The following CARS2 variants were observed in gnomAD, a reference collection of about 807,000 sequenced individuals.
CARS2 encodes the protein cysteinyl-tRNA synthetase 2, mitochondrial, also known as probable cysteine--tRNA ligase, mitochondrial.
Under a neutral mutation model 68.8 loss-of-function variants are expected in CARS2, and 52 were observed. That is an observed-to-expected ratio of 0.76 (90% confidence interval 0.61 to 0.95). CARS2 has a LOEUF of 0.95. Ranked by LOEUF, CARS2 falls within the 40% of genes least tolerant of loss-of-function variation. The pLI is 0.00. For missense variants in CARS2, 780 were observed against 754.2 expected, an observed-to-expected ratio of 1.03 and a Z score of -0.40; for synonymous variants, 314 against 303.6, an observed-to-expected ratio of 1.03 and a Z score of -0.36.
intron 6 of CARS2, among the ~76,000 whole-genome samples, chr13:110,679,137 G>T (rs947382251): frequency 7.0e-6 from 1 of 142,774 alleles, no homozygotes; most frequent in Admixed American, 7.0e-5. Flanking sequence ...CTCAGTCTAT[G>T]GGAGAGGCCA....
chr13:110,712,674 C>G (rs937443849), intron 1 of CARS2: 2 of 653,028 alleles, frequency 3.1e-6, no homozygotes, highest in Non-Finnish European at 5.7e-6. Flanking sequence ...TGAATGGCCT[C>G]AGGACGCCGG....
intron 3 of CARS2, 27 bp from the exon 4 acceptor site, chr13:110,688,045 AAT>A (rs747459279): frequency 5.8e-6 from 9 of 1,541,580 alleles, no homozygotes; most frequent in Non-Finnish European, 7.2e-6. Flanking sequence ...TGTGCACGTT[AAT>A]GAGTCTGGGG....
At chr13:110,684,387 G>C (rs1181603116) in intron 5 of CARS2, among the ~76,000 whole-genome samples, 2 of 151,954 alleles carry the variant, frequency 1.3e-5, no homozygotes, top group South Asian at 2.1e-4. Context: ...GCAAACACAA[G>C]CTGCACCCAG....
chr13:110,705,916 C>G lies in CARS2; in HGVS notation c.178G>C (p.Gly60Arg), dbSNP rs199874662. The change falls in exon 1 of 15, where the codon GGG (glycine) becomes CGG (arginine). Residue 60 changes from glycine to arginine, a missense_variant. By Grantham distance (125) the Gly-to-Arg change is moderately radical. Transcript: ENST00000257347. This position sits in a 1 kb window ranked among gnomAD's most constrained non-coding sequence, Gnocchi z 4.0. ...GCCACGATTAGGGGTTCCTTCCTCC[C>G]GGTGAGGCTGTTGTACACCTGCACA... ...TGVQVYNSLT[G>R]RKEPLIVAHA... 1.0e-4 allele frequency: 165 copies of G among 1,575,650 alleles called. No individual in the cohort carries two copies. The East Asian group carries it at 3.9e-3, about 37-fold the overall frequency.
chr13:110,684,192 T>A (rs2063232901), intron 5 of CARS2, among the ~76,000 whole-genome samples: 1 of 152,190 alleles, frequency 6.6e-6, no homozygotes, highest in Non-Finnish European at 1.5e-5. Context: ...GCAGCCACCA[T>A]CCAGCACCCT....
chr13:110,673,001 C>T (rs1398144961), intron 7 of CARS2, among the ~76,000 whole-genome samples: 18 of 143,276 alleles, frequency 1.3e-4, no homozygotes, highest in East Asian at 4.3e-4. Context: ...ATACACCCTC[C>T]CAAGACTAAA....
chr13:110,642,567 G>A, intron 13 of CARS2, 46 bp from the exon 14 acceptor site: 1 of 1,461,624 alleles, frequency 6.8e-7, no homozygotes, highest in Non-Finnish European at 9.1e-7. Flanking sequence ...ACTGTGGATT[G>A]TGGATGCCCC....
chr13:110,692,124 A>G (rs923830078), intron 3 of CARS2, among the ~76,000 whole-genome samples: 1 of 140,220 alleles, frequency 7.1e-6, no homozygotes, highest in Non-Finnish European at 1.5e-5. Flanking sequence ...ACACACACAT[A>G]TATATACATA....
At chr13:110,674,416 A>G (rs565078460) in intron 7 of CARS2, among the ~76,000 whole-genome samples, 6 of 131,202 alleles carry the variant, frequency 4.6e-5, no homozygotes, top group African/African-American at 1.5e-4. Context: ...AATACCACAC[A>G]TCTACAACCA....
At chr13:110,683,426 A>G (rs769871278) in intron 5 of CARS2, among the ~76,000 whole-genome samples, 2 of 152,234 alleles carry the variant, frequency 1.3e-5, no homozygotes, top group Non-Finnish European at 2.9e-5. Context: ...CTGGCTTAAT[A>G]TATTTGTTAA....
rs1028713796 is a variant in CARS2, at chr13:110,676,723, T to C, written c.785+251A>G. Among the ~76,000 whole-genome samples, 14 of 152,092 alleles carry C rather than the reference T, an allele frequency of 9.2e-5. No homozygotes were observed. Among genetic ancestry groups the C allele is most frequent in the Non-Finnish European group, 2.9e-5 (2 of 67,984 alleles). ...GAGAAGGGTGAGGGAACAGGGCAGCTGCAAGTGTGAACCAAAAAGCAGCCT... is the reference window on the plus strand; with the variant it reads ...GAGAAGGGTGAGGGAACAGGGCAGCCGCAAGTGTGAACCAAAAAGCAGCCT... On this transcript the variant is annotated intron_variant, in intron 7 of 14. Coordinates refer to ENST00000257347, the MANE Select transcript of CARS2 (RefSeq NM_024537.4). The surrounding 1 kb of genome is among the most constrained non-coding windows in gnomAD (Gnocchi z 4.0).
chr13:110,662,602 C>G (rs374638682), intron 9 of CARS2, among the ~76,000 whole-genome samples: 1 of 152,172 alleles, frequency 6.6e-6, no homozygotes, highest in East Asian at 1.9e-4. Flanking sequence ...GCTGGGTAGG[C>G]GAAAAAGATC....
intron 8 of CARS2, chr13:110,664,227 C>T: frequency 2.0e-6 from 2 of 984,584 alleles, no homozygotes; most frequent in South Asian, 4.7e-5. Flanking sequence ...GTCCTCCAGG[C>T]CGGACGCAGT....
At chr13:110,677,142 A>G (rs1157930547) in intron 6 of CARS2, 39 bp from the exon 7 acceptor site, 1 of 1,565,410 alleles carries the variant, frequency 6.4e-7, no homozygotes, top group Admixed American at 1.7e-5. Flanking sequence ...GAAGAAGCTC[A>G]GTCACCCCAC....
In CARS2 at chr13:110,667,339, C is replaced by A; in HGVS notation, c.919+1G>T. The A allele has an allele frequency of 1.9e-6, 3 of 1,609,264 alleles. No homozygotes were observed. Among genetic ancestry groups the A allele is most frequent in the Non-Finnish European group, 2.5e-6 (3 of 1,177,878 alleles). On this transcript the variant is annotated splice_donor_variant, in intron 8 of 14. Coordinates refer to ENST00000257347, the MANE Select transcript of CARS2 (RefSeq NM_024537.4). LOFTEE classifies it high-confidence loss of function. ...CAAATTAATCTGAAGTTATTACTTACCAGAATGCAGAAAATAATTTCCCCA... is the reference window on the plus strand; with the variant it reads ...CAAATTAATCTGAAGTTATTACTTAACAGAATGCAGAAAATAATTTCCCCA...
At chr13:110,646,201 T>C (rs1489685932) in intron 11 of CARS2, 111 bp from the exon 12 acceptor site, 5 of 1,269,664 alleles carry the variant, frequency 3.9e-6, no homozygotes, top group Non-Finnish European at 5.3e-6. Flanking sequence ...ATCTGGGGAC[T>C]TTCTCTAGGT....
In CARS2 at chr13:110,642,203, G is replaced by A. The variant is rs144284939; in HGVS notation, c.1623+112C>T. On this transcript the variant is annotated intron_variant, in intron 14 of 14. Transcript: ENST00000257347. ...GCCTGGGTGACAAGAGTGAAACTCC[G>A]TCTCAAAAAAAAAGCATGGTCACGG... is the stretch of plus-strand genomic sequence containing the variant. 387 of 823,076 alleles carry A rather than the reference G, an allele frequency of 4.7e-4. 3 individuals carry two copies. Among genetic ancestry groups the A allele is most frequent in the African/African-American group, 2.9e-3 (170 of 58,788 alleles). The allele number at this position is 823,076 out of a possible 1,614,324, so 51.0% of individuals were successfully genotyped here.
At position 110,668,023 on chromosome 13, in the gene CARS2, C is replaced by T. The variant is rs999996046; in HGVS notation, c.786-550G>A. Among the ~76,000 whole-genome samples, 4 of 152,210 alleles carry T rather than the reference C, an allele frequency of 2.6e-5. No individual in the cohort carries two copies. The highest frequency in any genetic ancestry group is 5.9e-5 in the Non-Finnish European group (4 of 68,034). On this transcript the variant is annotated intron_variant, in intron 7 of 14. Coordinates refer to ENST00000257347, the MANE Select transcript of CARS2 (RefSeq NM_024537.4). This position sits in a 1 kb window ranked among gnomAD's most constrained non-coding sequence, Gnocchi z 4.1. The stretch of plus-strand genomic sequence containing the variant: ...GGAAATGAGGCTGGGCCAGCCCACT[C>T]GAAGCTCTGTCCCTGGACCAGCTGC...
Position 110,665,331 on chromosome 13 carries a change from A to C in CARS2, c.920-1813T>G, listed in dbSNP as rs2062619260. 7.8e-6 allele frequency: 5 copies of C among 644,170 alleles called. No individual in the cohort carries two copies. Among genetic ancestry groups the C allele is most frequent in the Non-Finnish European group, 9.7e-6 (5 of 518,110 alleles). 39.9% of individuals were successfully genotyped at this position (644,170 alleles called of 1,614,324 possible). On this transcript the variant is annotated intron_variant, in intron 8 of 14. Coordinates refer to ENST00000257347, the MANE Select transcript of CARS2 (RefSeq NM_024537.4). The surrounding 1 kb of genome is among the most constrained non-coding windows in gnomAD (Gnocchi z 4.3). ...TATGGTGGTATGCACCTGTAGTCGC[A>C]GCTACTAGAACAGCTGAGGCAGGAG...
Sources: gnomAD v4.1 joint callset for allele counts (sites outside exome capture counted in the v4.1 genomes callset) on GRCh38, gnomAD v4.1.1 for gene constraint, Gnocchi (gnomAD v3.1) non-coding constraint, MANE v1.5 for transcripts, NCBI Gene and HGNC (gene_info 2026-07-23, HGNC 2026-07-21) for gene names.